The following CTNNAL1 variants were observed in gnomAD, a reference collection of about 807,000 sequenced individuals.
CTNNAL1 encodes the protein alpha-catulin.
In CTNNAL1, 69 loss-of-function variants were observed where a neutral mutation model predicts 93.6. That is an observed-to-expected ratio of 0.74 (90% confidence interval 0.61 to 0.90). The LOEUF is 0.90. Ranked by LOEUF, CTNNAL1 falls within the 40% of genes least tolerant of loss-of-function variation. CTNNAL1 has a pLI of 0.00. For synonymous variants in CTNNAL1, 286 were observed against 305.4 expected (o/e 0.94, Z 0.66); for missense variants, 836 against 862.0 (o/e 0.97, Z 0.38).
chr9:109,012,696 G>C (rs1376709102), intron 1 of CTNNAL1, among the ~76,000 whole-genome samples: 9 of 152,332 alleles, frequency 5.9e-5, no homozygotes, highest in Admixed American at 4.6e-4. Context: ...GGACAGAAGC[G>C]GGCAGAAGTG....
At position 108,990,810 on chromosome 9, in the gene CTNNAL1, A is replaced by G. The variant is rs1223419402; in HGVS notation, c.555T>C (p.Asn185=). 1.2e-6 allele frequency: 2 copies of G among 1,613,552 alleles called. No individual in the cohort carries two copies. The highest frequency in any genetic ancestry group is 1.7e-6 in the Non-Finnish European group (2 of 1,179,856). Residue 185 remains asparagine, a synonymous_variant, in exon 4 of 19, where the codon AAT becomes AAC. Coordinates refer to ENST00000325551, the MANE Select transcript of CTNNAL1 (RefSeq NM_003798.4). ...ATATTTGGACAAACTCTTGAAAGCT[A>G]TTCACTTTCTCTAGTCTTTCCATAG... ...LATMERLEKV[N]SFQEFVQIFS...
chr9:108,984,180 A>G (rs1470133858), intron 5 of CTNNAL1, among the ~76,000 whole-genome samples, 167 bp downstream of exon 5: 1 of 152,242 alleles, frequency 6.6e-6, no homozygotes, highest in Non-Finnish European at 1.5e-5. Flanking sequence ...GGAGTTGGGG[A>G]AGAAAGTTAG....
chr9:108,951,135 C>T lies in CTNNAL1; in HGVS notation c.1835+1074G>A, dbSNP rs934242671. Among the ~76,000 whole-genome samples, 3 of 151,730 alleles carry T rather than the reference C, an allele frequency of 2.0e-5. No individual in the cohort carries two copies. The South Asian group carries it at 6.2e-4, about 32-fold the overall frequency. ...ACGCCATTCTCCTGCCTCAGCCTCC[C>T]GAGTAGCTGGGATTACAGGCGCCCG... On this transcript the variant is annotated intron_variant, in intron 14 of 18. Transcript: ENST00000325551.
In CTNNAL1 at chr9:108,965,469, GT is replaced by G; in HGVS notation, c.1499del (p.Asn500ThrfsTer2). On this transcript the variant is annotated frameshift_variant, in exon 11 of 19. Coordinates refer to ENST00000325551, the MANE Select transcript of CTNNAL1 (RefSeq NM_003798.4). LOFTEE classifies it high-confidence loss of function. ...LHPSSKIAKE[N>X]LDVFCEAWES... is the part of the protein sequence containing the mutation. ...CCCAAGCTTCACAAAATACATCTAG[GT>G]TTTCTTTAGCAATTTTACTAGATGG... 1 of 1,592,518 alleles carries G rather than the reference GT, an allele frequency of 6.3e-7. No homozygotes were observed. Among genetic ancestry groups the G allele is most frequent in the East Asian group, 2.3e-5 (1 of 43,640 alleles).
At chr9:108,988,634 C>T (rs1473736414) in intron 4 of CTNNAL1, among the ~76,000 whole-genome samples, 2 of 152,226 alleles carry the variant, frequency 1.3e-5, no homozygotes, top group African/African-American at 2.4e-5. Flanking sequence ...CACTACCTCT[C>T]TGATTTCATC....
chr9:109,001,932 T>G (rs1826843138), intron 1 of CTNNAL1, among the ~76,000 whole-genome samples: 1 of 152,206 alleles, frequency 6.6e-6, no homozygotes, highest in Non-Finnish European at 1.5e-5. Context: ...CAGATTTTGG[T>G]GCCTGGATCT....
chr9:108,982,690 C>A (rs1473390693), intron 6 of CTNNAL1, among the ~76,000 whole-genome samples: 1 of 152,192 alleles, frequency 6.6e-6, no homozygotes, highest in African/African-American at 2.4e-5. Flanking sequence ...TACAGAGTGG[C>A]ATTGCTTTAA....
chr9:108,965,315 TA>T, intron 11 of CTNNAL1, 62 bp downstream of exon 11: 1 of 1,285,670 alleles, frequency 7.8e-7, no homozygotes, highest in Non-Finnish European at 1.0e-6. Context: ...GGTTTGGCAT[TA>T]AAAAACTAAC....
At position 108,999,153 on chromosome 9, in the gene CTNNAL1, A is replaced by T. The variant is rs767513268; in HGVS notation, c.245T>A (p.Phe82Tyr). 4 of 1,613,826 alleles carry T rather than the reference A, an allele frequency of 2.5e-6. No individual in the cohort carries two copies. The Admixed American group carries it at 6.7e-5, about 27-fold the overall frequency. ...GGCTATAGCTTCTCCTACTTTAACA[A>T]ATCTTCCAACTGCCAAGTTGACAGC... ...GQAVNLAVGR[F>Y]VKVGEAIANE... Residue 82 changes from phenylalanine to tyrosine, a missense_variant, in exon 2 of 19, where the codon TTT (phenylalanine) becomes TAT (tyrosine). Coordinates refer to ENST00000325551, the MANE Select transcript of CTNNAL1 (RefSeq NM_003798.4).
At chr9:109,010,109 A>G (rs1827163821) in intron 1 of CTNNAL1, among the ~76,000 whole-genome samples, 1 of 152,126 alleles carries the variant, frequency 6.6e-6, no homozygotes, top group African/African-American at 2.4e-5. Context: ...TGCAGCCCTC[A>G]GCTGCTGGGC....
At chr9:108,975,644 AAAT>A (rs1246973112) in intron 8 of CTNNAL1, among the ~76,000 whole-genome samples, 1 of 152,206 alleles carries the variant, frequency 6.6e-6, no homozygotes. Context: ...ATGAAGATTT[AAAT>A]AATGATTAAC....
intron 3 of CTNNAL1, among the ~76,000 whole-genome samples, chr9:108,991,267 A>G (rs1564143501): frequency 6.6e-6 from 1 of 152,132 alleles, no homozygotes; most frequent in Non-Finnish European, 1.5e-5. Flanking sequence ...TAGGAACCCT[A>G]ACATTCTCAG....
chr9:108,965,301 T>C (rs1830923200), intron 11 of CTNNAL1, 77 bp downstream of exon 11: 2 of 1,181,424 alleles, frequency 1.7e-6, no homozygotes, highest in Non-Finnish European at 2.2e-6. Context: ...TCATTTGCAG[T>C]TGAGGTTTGG....
chr9:108,956,458 A>G (rs1830691434), intron 11 of CTNNAL1, among the ~76,000 whole-genome samples: 2 of 152,220 alleles, frequency 1.3e-5, no homozygotes, highest in South Asian at 4.1e-4. Context: ...CAGTCAGATT[A>G]CAATGAATAA....
intron 1 of CTNNAL1, among the ~76,000 whole-genome samples, chr9:109,010,285 A>G (rs1316776413): frequency 6.6e-6 from 1 of 152,210 alleles, no homozygotes; most frequent in Non-Finnish European, 1.5e-5. Flanking sequence ...CCTAATTTTT[A>G]TAATTTACTT....
chr9:108,948,259 A>G, intron 14 of CTNNAL1, 25 bp from the exon 15 acceptor site: 1 of 1,602,452 alleles, frequency 6.2e-7, no homozygotes. Flanking sequence ...ATTGTTAAGA[A>G]GGTAACAAAA....
intron 11 of CTNNAL1, among the ~76,000 whole-genome samples, chr9:108,960,853 G>A (rs187328872): frequency 1.3e-5 from 2 of 152,306 alleles, no homozygotes; most frequent in Admixed American, 1.3e-4. Flanking sequence ...TGGAGGTTTG[G>A]GTGAGAAGGC....
intron 11 of CTNNAL1, among the ~76,000 whole-genome samples, chr9:108,964,588 C>A (rs1173822655): frequency 6.6e-6 from 1 of 152,098 alleles, no homozygotes; most frequent in East Asian, 1.9e-4. Flanking sequence ...AACTTACCCA[C>A]CACAGGCAAT....
intron 2 of CTNNAL1, among the ~76,000 whole-genome samples, chr9:108,998,623 C>T (rs1468912867): frequency 6.6e-6 from 1 of 152,160 alleles, no homozygotes; most frequent in African/African-American, 2.4e-5. Flanking sequence ...GTCCTCAAAA[C>T]ACTCTAGGTT....
Sources: gnomAD v4.1 joint callset for allele counts (sites outside exome capture counted in the v4.1 genomes callset) on GRCh38, gnomAD v4.1.1 for gene constraint, MANE v1.5 for transcripts, NCBI Gene and HGNC (gene_info 2026-07-23, HGNC 2026-07-21) for gene names.